The following NEDD4L variants were observed in gnomAD, a reference collection of about 807,000 sequenced individuals.
NEDD4L encodes the protein NEDD4 like E3 ubiquitin protein ligase.
NEDD4L carries 54 observed loss-of-function variants against 148.9 expected under a neutral mutation model. That is an observed-to-expected ratio of 0.36 (90% CI 0.29 to 0.45). The LOEUF (loss-of-function observed/expected upper bound fraction) is 0.45, where lower values mean the gene tolerates loss of function less well. Among genes scored for constraint, NEDD4L ranks in the 20% least tolerant of loss-of-function variants. NEDD4L has a pLI of 1.00. For synonymous variants in NEDD4L, 433 were observed against 440.7 expected (o/e 0.98, Z 0.22); for missense variants, 856 against 1,233.8 (o/e 0.69, Z 4.59).
chr18:58,183,608 G>A (rs141340374), intron 2 of NEDD4L, among the ~76,000 whole-genome samples: 4 of 152,284 alleles, frequency 2.6e-5, no homozygotes, highest in African/African-American at 4.8e-5. Context: ...GCATCTTACC[G>A]AGTTGATTGA....
intron 30 of NEDD4L, among the ~76,000 whole-genome samples, chr18:58,392,936 A>G (rs1009867195): frequency 1.3e-5 from 2 of 152,194 alleles, no homozygotes; most frequent in Non-Finnish European, 2.9e-5. Context: ...CTTATGAGAT[A>G]TGTTATTCCC....
chr18:58,228,342 C>T (rs972973159), intron 2 of NEDD4L, among the ~76,000 whole-genome samples: 2 of 152,178 alleles, frequency 1.3e-5, no homozygotes, highest in African/African-American at 4.8e-5. Flanking sequence ...CTTGTTTTAA[C>T]GTTACGTGCA....
chr18:58,254,847 T>C (rs1218618998), intron 5 of NEDD4L, among the ~76,000 whole-genome samples: 2 of 152,222 alleles, frequency 1.3e-5, no homozygotes, highest in African/African-American at 4.8e-5. Flanking sequence ...TCCCCTCCAC[T>C]TAGCTATTTT....
chr18:58,234,860 T>C (rs377245936), intron 2 of NEDD4L, among the ~76,000 whole-genome samples: 114 of 152,244 alleles, frequency 7.5e-4, no homozygotes, highest in African/African-American at 2.6e-3. Context: ...TGTCACTGAA[T>C]GGGTGTCACC....
chr18:58,352,552 G>A (rs553539165), intron 18 of NEDD4L, among the ~76,000 whole-genome samples: 2 of 152,080 alleles, frequency 1.3e-5, no homozygotes, highest in South Asian at 2.1e-4. Flanking sequence ...CCAGCTACCC[G>A]GATGGCTGAG....
At chr18:58,206,459 CA>C (rs1008622931) in intron 2 of NEDD4L, among the ~76,000 whole-genome samples, 2 of 152,154 alleles carry the variant, frequency 1.3e-5, no homozygotes, top group Non-Finnish European at 2.9e-5. Flanking sequence ...TTCAGCCCAG[CA>C]ACATCGGTTT....
intron 2 of NEDD4L, among the ~76,000 whole-genome samples, chr18:58,173,513 C>A (rs1238332966): frequency 6.6e-6 from 1 of 152,164 alleles, no homozygotes; most frequent in African/African-American, 2.4e-5. Flanking sequence ...GCAGAAAGTC[C>A]TTCTGCTGCC....
rs1339486932 is a variant in NEDD4L at position 58,343,001 on chromosome 18, A to T, written c.1473A>T (p.Gln491His). 3 of 1,613,874 alleles carry T rather than the reference A, an allele frequency of 1.9e-6. No individual in the cohort carries two copies. The highest frequency in any genetic ancestry group is 2.5e-6 in the Non-Finnish European group (3 of 1,179,832). Residue 491 changes from glutamine (Q) to histidine (H), a missense_variant, in exon 16 of 31, where the codon CAA becomes CAT. Coordinates refer to ENST00000400345, the MANE Select transcript of NEDD4L (RefSeq NM_001144967.3). ...CACCTTACAACTCCCCCAAACCACA[A>T]CACAAAGTCACACAGAGCTTCTTGC... Reference protein sequence around the residue: ...QPSPYNSPKPQHKVTQSFLPP... With the variant: ...QPSPYNSPKPHHKVTQSFLPP...
chr18:58,108,261 G>A (rs114110928), intron 1 of NEDD4L, among the ~76,000 whole-genome samples: 2,076 of 152,286 alleles, frequency 0.014, 38 homozygotes, highest in African/African-American at 0.048. Context: ...TCACAGTACA[G>A]TTCTTATCAG....
At chr18:58,110,977 C>G (rs1237617536) in intron 1 of NEDD4L, among the ~76,000 whole-genome samples, 1 of 152,194 alleles carries the variant, frequency 6.6e-6, no homozygotes, top group East Asian at 1.9e-4. Flanking sequence ...AGATATGATT[C>G]ACATACCTTA....
At chr18:58,205,518 G>T (rs1160735313) in intron 2 of NEDD4L, among the ~76,000 whole-genome samples, 1 of 151,978 alleles carries the variant, frequency 6.6e-6, no homozygotes, top group Non-Finnish European at 1.5e-5. Context: ...GTGTGTGTGT[G>T]TGGTTGGCAG....
chr18:58,117,742 C>T (rs1343439698), intron 1 of NEDD4L, among the ~76,000 whole-genome samples: 1 of 152,184 alleles, frequency 6.6e-6, no homozygotes, highest in Non-Finnish European at 1.5e-5. Flanking sequence ...GTCTCTCTTT[C>T]TGGCACTTGT....
intron 5 of NEDD4L, among the ~76,000 whole-genome samples, chr18:58,297,880 G>A (rs151074902): frequency 2.5e-4 from 38 of 152,180 alleles, no homozygotes; most frequent in African/African-American, 8.9e-4. Flanking sequence ...ATAATTTGTC[G>A]CTGTCTCCGA....
At chr18:58,337,479 C>T (rs1195574276) in intron 13 of NEDD4L, among the ~76,000 whole-genome samples, 1 of 152,184 alleles carries the variant, frequency 6.6e-6, no homozygotes, top group Admixed American at 6.5e-5. Context: ...TTGTCCTGGG[C>T]TGGAGCCATC....
chr18:58,231,649 GC>G (rs1476722702), intron 2 of NEDD4L, among the ~76,000 whole-genome samples: 18 of 152,218 alleles, frequency 1.2e-4, no homozygotes, highest in Middle Eastern at 6.8e-3. Flanking sequence ...TGCAACCTCC[GC>G]CTCCAAGGTT....
rs138430099 is a variant in NEDD4L, at chr18:58,347,205, G to GCCCCCCCC, written c.1576-2331_1576-2324dup. Among the ~76,000 whole-genome samples, 204 of 39,552 alleles carry GCCCCCCCC rather than the reference G, an allele frequency of 5.2e-3. 11 individuals carry two copies. Among genetic ancestry groups the GCCCCCCCC allele is most frequent in the African/African-American group, 7.4e-3 (53 of 7,156 alleles). The allele number at this position is 39,552 out of a possible 152,430, so 25.9% of individuals were successfully genotyped here. On this transcript the variant is annotated intron_variant, in intron 16 of 30. Transcript: ENST00000400345. The stretch of plus-strand genomic sequence containing the variant: ...AATTTCAGCTTCTTTTCACGCTACG[G>GCCCCCCCC]CCCCCCCCGCCCCCCCCCCCCCTTT...
At chr18:58,210,783 TA>T (rs1166116842) in intron 2 of NEDD4L, among the ~76,000 whole-genome samples, 4 of 152,088 alleles carry the variant, frequency 2.6e-5, no homozygotes, top group African/African-American at 7.2e-5. Flanking sequence ...TCTGATGAAT[TA>T]AAAAAATAAA....
At chr18:58,067,727 G>A (rs1360857114) in intron 1 of NEDD4L, among the ~76,000 whole-genome samples, 1 of 152,228 alleles carries the variant, frequency 6.6e-6, no homozygotes, top group Non-Finnish European at 1.5e-5. Flanking sequence ...CACTTGAGGA[G>A]TGGGAGCTGG....
chr18:58,078,139 A>AGACCAATCTAAAGATT (rs2083264750), intron 1 of NEDD4L, among the ~76,000 whole-genome samples: 1 of 150,098 alleles, frequency 6.7e-6, no homozygotes, highest in African/African-American at 2.5e-5. Flanking sequence ...GAGCCAAATG[A>AGACCAATCTAAAGATT]GACCTTTAGA....
Sources: allele counts gnomAD v4.1 joint callset (sites outside exome capture counted in the v4.1 genomes callset), GRCh38; gene constraint gnomAD v4.1.1; transcripts MANE v1.5; gene names NCBI Gene and HGNC (gene_info 2026-07-23, HGNC 2026-07-21).